SF3A2: variants seen among roughly 807,000 people sequenced by gnomAD.
SF3A2 encodes SAP 62.
A neutral mutation model predicts 31.1 loss-of-function variants in SF3A2; 5 were observed. The observed-to-expected ratio is 0.16, with a 90% CI of 0.08 to 0.34. The LOEUF is 0.34. Ranked by LOEUF, SF3A2 falls within the 10% of genes least tolerant of loss-of-function variation. The probability of loss-of-function intolerance (pLI) is 1.00; values close to 1 mark genes in which losing one functional copy is unlikely to be tolerated. For synonymous variants in SF3A2, 365 were observed against 263.7 expected (o/e 1.38, Z -3.72); for missense variants, 577 against 643.9 (o/e 0.90, Z 1.13).
chr19:2,242,513 C>T (rs890185020), intron 1 of SF3A2, among the ~76,000 whole-genome samples: 1 of 152,206 alleles, frequency 6.6e-6, no homozygotes, highest in South Asian at 2.1e-4. Flanking sequence ...TCCTCAAGCC[C>T]ACCTGCACAT....
chr19:2,239,501 A>G (rs1406696970), intron 1 of SF3A2, among the ~76,000 whole-genome samples: 4 of 152,146 alleles, frequency 2.6e-5, no homozygotes, highest in Non-Finnish European at 5.9e-5. Flanking sequence ...GTCTAGTAGA[A>G]GCTTAACATC....
At position 2,244,533 on chromosome 19, in the gene SF3A2, T is replaced by G; in HGVS notation, c.127-11T>G. 1 of 1,611,856 alleles carries G rather than the reference T, an allele frequency of 6.2e-7. No individual in the cohort carries two copies. Among genetic ancestry groups the G allele is most frequent in the South Asian group, 1.1e-5 (1 of 90,730 alleles). On this transcript the variant is annotated splice_polypyrimidine_tract_variant and intron_variant, in intron 2 of 8. Transcript: ENST00000221494. ...TCTTCTGTCTAACGGGCCCCTGTTC[T>G]TCCCCTCCAGGACCCGTACTTCATG...
At chr19:2,238,978 C>T (rs568384960) in intron 1 of SF3A2, among the ~76,000 whole-genome samples, 2 of 152,072 alleles carry the variant, frequency 1.3e-5, no homozygotes, top group East Asian at 1.9e-4. Flanking sequence ...TGATTTTTTT[C>T]GGGGGGTGGG....
chr19:2,242,504 C>G (rs1293619962), intron 1 of SF3A2, among the ~76,000 whole-genome samples: 1 of 152,202 alleles, frequency 6.6e-6, no homozygotes, highest in East Asian at 1.9e-4. Flanking sequence ...ATTTTAAGAT[C>G]CTCAAGCCCA....
chr19:2,248,274 C>A lies in SF3A2; in HGVS notation c.1123C>A (p.Gln375Lys). The A allele has an allele frequency of 7.1e-7, 1 of 1,414,750 alleles. No homozygotes were observed. The highest frequency in any genetic ancestry group is 9.2e-7 in the Non-Finnish European group (1 of 1,085,852). The allele number at this position is 1,414,750 out of a possible 1,614,324, so 87.6% of individuals were successfully genotyped here. A position where few individuals can be genotyped will look rare whatever the true frequency, so the allele number is the denominator to read the frequency against. Reference sequence around the variant, plus strand: ...TCCCCCATCAGCGGGGGTTCACCCCCAGGCCCCGGGGGTGCACCCAGCAGC... The same window carrying A: ...TCCCCCATCAGCGGGGGTTCACCCCAAGGCCCCGGGGGTGCACCCAGCAGC... The part of the protein sequence containing the change: ...HPPPSAGVHP[Q>K]APGVHPAAPA... The change falls in exon 9 of 9, where the codon CAG becomes AAG. Residue 375 changes from glutamine (Q) to lysine (K), a missense_variant. Physicochemically the swap from Gln to Lys is moderately conservative, Grantham distance 53. This residue lies in a region of SF3A2 where 462 missense variants were observed against 339.1 expected (regional missense o/e 1.36). Coordinates refer to ENST00000221494, the MANE Select transcript of SF3A2 (RefSeq NM_007165.5).
At position 2,244,578 on chromosome 19, in the gene SF3A2, A is replaced by G; in HGVS notation, c.161A>G (p.Tyr54Cys). 1 of 1,614,150 alleles carries G rather than the reference A, an allele frequency of 6.2e-7. No homozygotes were observed. Among genetic ancestry groups the G allele is most frequent in the Non-Finnish European group, 8.5e-7 (1 of 1,179,994 alleles). Reference protein sequence around the residue: ...PYFMKNHLGSYECKLCLTLHN... With the variant: ...PYFMKNHLGSCECKLCLTLHN... ...TTCATGAAGAACCACCTGGGCTCCTATGAATGCAAACTCTGCCTGACACTT... is the reference window on the plus strand; with the variant it reads ...TTCATGAAGAACCACCTGGGCTCCTGTGAATGCAAACTCTGCCTGACACTT... Residue 54 changes from tyrosine to cysteine, a missense_variant, in exon 3 of 9, where the codon TAT (tyrosine) becomes TGT (cysteine). Transcript: ENST00000221494.
At position 2,248,078 on chromosome 19, in the gene SF3A2, C is replaced by T. The variant is rs529347268; in HGVS notation, c.927C>T (p.His309=). 8 of 907,564 alleles carry T rather than the reference C, an allele frequency of 8.8e-6. No homozygotes were observed. In the Admixed American group the frequency reaches 1.3e-4, roughly 14 times the overall value. 56.2% of individuals were successfully genotyped at this position (907,564 alleles called of 1,614,324 possible). A position where few individuals can be genotyped will look rare whatever the true frequency, so the allele number is the denominator to read the frequency against. Residue 309 remains histidine, a synonymous_variant, in exon 9 of 9, where the codon CAC becomes CAT. Coordinates refer to ENST00000221494, the MANE Select transcript of SF3A2 (RefSeq NM_007165.5). The stretch of plus-strand genomic sequence containing the variant: ...TCCATCCCCCAGCTCCTGGCGTCCA[C>T]CCCCCAGCTCCTGGCGTCCATCCCC... ...SGVHPPAPGV[H]PPAPGVHPPA...
rs1386116540 is a variant in SF3A2 at position 2,245,293 on chromosome 19, C to T, written c.246-153C>T. 1.1e-5 allele frequency: 7 copies of T among 611,700 alleles called. No individual in the cohort carries two copies. Among genetic ancestry groups the T allele is most frequent in the East Asian group, 1.1e-4 (4 of 36,282 alleles). The allele number at this position is 611,700 out of a possible 1,614,324, so 37.9% of individuals were successfully genotyped here. A position where few individuals can be genotyped will look rare whatever the true frequency, so the allele number is the denominator to read the frequency against. On this transcript the variant is annotated intron_variant, in intron 4 of 8. Transcript: ENST00000221494. This position sits in a 1 kb window ranked among gnomAD's most constrained non-coding sequence, Gnocchi z 4.2. The stretch of plus-strand genomic sequence containing the variant: ...AACATGCCTGTCCTATCCCTGTCCT[C>T]AGCCAAACCCCAGGGCCCCTCCCAG...
At chr19:2,241,595 G>T (rs2024889685) in intron 1 of SF3A2, among the ~76,000 whole-genome samples, 1 of 152,246 alleles carries the variant, frequency 6.6e-6, no homozygotes, top group South Asian at 2.1e-4. Context: ...TGTGGCAGCA[G>T]GGACTGTAGG....
rs143073301 is a variant in SF3A2, at chr19:2,245,708, T to C, written c.355+153T>C. ...CCGTCCCTCACCCACCTGCAGCCTC[T>C]GGCGTTGTGTCTGGGAGCTGTCAGG... On this transcript the variant is annotated intron_variant, in intron 5 of 8. Coordinates refer to ENST00000221494, the MANE Select transcript of SF3A2 (RefSeq NM_007165.5). The surrounding 1 kb of genome is among the most constrained non-coding windows in gnomAD (Gnocchi z 4.2). 619 of 642,552 alleles carry C rather than the reference T, an allele frequency of 9.6e-4. 2 individuals carry two copies. In the African/African-American group the frequency reaches 9.7e-3, roughly 10 times the overall value. The allele number at this position is 642,552 out of a possible 1,614,324, so 39.8% of individuals were successfully genotyped here.
rs926184733 is a variant in SF3A2 at position 2,245,673 on chromosome 19, G to C, written c.355+118G>C. ...CTCCTCCCTGAGCCACTGTTTTCCGGCCTTGGTGGCCGTCCCTCACCCACC... is the reference window on the plus strand; with the variant it reads ...CTCCTCCCTGAGCCACTGTTTTCCGCCCTTGGTGGCCGTCCCTCACCCACC... On this transcript the variant is annotated intron_variant, in intron 5 of 8. Transcript: ENST00000221494. This position sits in a 1 kb window ranked among gnomAD's most constrained non-coding sequence, Gnocchi z 4.2. 1.3e-6 allele frequency: 1 copy of C among 764,702 alleles called. No individual in the cohort carries two copies. The highest frequency in any genetic ancestry group is 2.2e-6 in the Non-Finnish European group (1 of 451,542). The allele number at this position is 764,702 out of a possible 1,614,324, so 47.4% of individuals were successfully genotyped here. A position where few individuals can be genotyped will look rare whatever the true frequency, so the allele number is the denominator to read the frequency against.
chr19:2,244,629 C>T lies in SF3A2; in HGVS notation c.198+14C>T. On this transcript the variant is annotated intron_variant, in intron 3 of 8. Transcript: ENST00000221494. Reference sequence around the variant, plus strand: ...CACAACAATGAGGTGCGGCCTCTGCCTGGCTCCGGGCGGCTCGCGGCGGGC... The same window carrying T: ...CACAACAATGAGGTGCGGCCTCTGCTTGGCTCCGGGCGGCTCGCGGCGGGC... 6.2e-7 allele frequency: 1 copy of T among 1,613,854 alleles called. No homozygotes were observed. The highest frequency in any genetic ancestry group is 8.5e-7 in the Non-Finnish European group (1 of 1,179,770).
rs781192057 is a variant in SF3A2, at chr19:2,248,534, C to T, written c.1383C>T (p.Pro461=). 1.8e-6 allele frequency: 2 copies of T among 1,122,062 alleles called. No homozygotes were observed. The highest frequency in any genetic ancestry group is 2.3e-6 in the Non-Finnish European group (2 of 852,342). 69.5% of individuals were successfully genotyped at this position (1,122,062 alleles called of 1,614,324 possible). A position where few individuals can be genotyped will look rare whatever the true frequency, so the allele number is the denominator to read the frequency against. The part of the protein sequence containing the change: ...SEGPGNIPPP[P]PTN ...GCCCAGGGAACATACCTCCCCCTCC[C>T]CCAACCAACTGAGAAGCTGCTCCCT... Residue 461 remains proline (P), a synonymous_variant, in exon 9 of 9, where the codon CCC becomes CCT. Coordinates refer to ENST00000221494, the MANE Select transcript of SF3A2 (RefSeq NM_007165.5).
chr19:2,242,227 A>C (rs138465205), intron 1 of SF3A2, among the ~76,000 whole-genome samples: 15 of 146,700 alleles, frequency 1.0e-4, no homozygotes, highest in African/African-American at 3.7e-4. Flanking sequence ...ACACCTGCAG[A>C]CACTGTGACA....
At chr19:2,243,337 C>G (rs147872814) in intron 1 of SF3A2, 45 bp from the exon 2 acceptor site, 17,134 of 1,432,286 alleles carry the variant, frequency 0.012, 117 homozygotes, top group Middle Eastern at 0.015. Context: ...AGCAGCAGCC[C>G]CGAGTTCTGA....
intron 1 of SF3A2, among the ~76,000 whole-genome samples, chr19:2,240,637 TGG>T (rs1568388065): frequency 6.6e-6 from 1 of 152,248 alleles, no homozygotes; most frequent in Non-Finnish European, 1.5e-5. Flanking sequence ...CACTGGCCGC[TGG>T]GGCGTTCTGT....
Position 2,247,946 on chromosome 19 carries a change from C to T in SF3A2, c.795C>T (p.Pro265=), listed in dbSNP as rs2024955866. ...PPGGLPLPPM[P]PTGPAPSGPP... ...GAGGCCTGCCTCTGCCACCCATGCC[C>T]CCCACAGGGCCTGCGCCCTCAGGGC... Residue 265 remains proline (P), a synonymous_variant, in exon 9 of 9, where the codon CCC becomes CCT. Transcript: ENST00000221494. 7.0e-7 allele frequency: 1 copy of T among 1,432,138 alleles called. No homozygotes were observed. Among genetic ancestry groups the T allele is most frequent in the East Asian group, 2.4e-5 (1 of 42,182 alleles). The allele number at this position is 1,432,138 out of a possible 1,614,324, so 88.7% of individuals were successfully genotyped here. A position where few individuals can be genotyped will look rare whatever the true frequency, so the allele number is the denominator to read the frequency against.
chr19:2,246,995 C>G lies in SF3A2; in HGVS notation c.519C>G (p.Ala173=). The change falls in exon 7 of 9, where the codon GCC becomes GCG. Residue 173 remains alanine (A), a synonymous_variant. Transcript: ENST00000221494. This position sits in a 1 kb window ranked among gnomAD's most constrained non-coding sequence, Gnocchi z 5.5. Reference sequence around the variant, plus strand: ...GCTGGCAGTACCTGCTCATGGCCGCCGAGCCCTACGAGACCATTGCCTTCA... The same window carrying G: ...GCTGGCAGTACCTGCTCATGGCCGCGGAGCCCTACGAGACCATTGCCTTCA... The part of the protein sequence containing the change: ...DRRWQYLLMA[A]EPYETIAFKV... The G allele has an allele frequency of 6.5e-7, 1 of 1,543,282 alleles. No homozygotes were observed. Among genetic ancestry groups the G allele is most frequent in the Non-Finnish European group, 8.7e-7 (1 of 1,148,624 alleles).
chr19:2,241,885 T>C (rs2024892787), intron 1 of SF3A2, among the ~76,000 whole-genome samples: 1 of 152,186 alleles, frequency 6.6e-6, no homozygotes, highest in African/African-American at 2.4e-5. Context: ...TTTTGTGACA[T>C]CTGAACTTCT....
Sources: gnomAD v4.1 joint callset for allele counts (sites outside exome capture counted in the v4.1 genomes callset) on GRCh38, gnomAD v4.1.1 for gene constraint, gnomAD v4.1.1 regional missense constraint, Gnocchi (gnomAD v3.1) non-coding constraint, MANE v1.5 for transcripts, NCBI Gene and HGNC (gene_info 2026-07-23, HGNC 2026-07-21) for gene names.